Variants in ADGRG5 observed in about 807,000 individuals in gnomAD.
ADGRG5 encodes adhesion G protein-coupled receptor G5.
Under a neutral mutation model 53.2 loss-of-function variants are expected in ADGRG5, and 37 were observed. The ratio of observed to expected loss-of-function variants is 0.70; its 90% CI spans 0.53 to 0.91. ADGRG5 has a LOEUF of 0.91. ADGRG5 is among the 40% of genes least tolerant of loss of function. ADGRG5 has a pLI of 0.00. For synonymous variants in ADGRG5, 277 were observed against 290.4 expected (o/e 0.95, Z 0.47); for missense variants, 614 against 675.8 (o/e 0.91, Z 1.01).
chr16:57,557,418 A>C (rs1483012077), intron 1 of ADGRG5, among the ~76,000 whole-genome samples: 1 of 152,152 alleles, frequency 6.6e-6, no homozygotes, highest in African/African-American at 2.4e-5. Context: ...CAGTTTGACT[A>C]GGATGTATCT....
the ADGRG5 span, chr16:57,529,191 G>A: frequency 1.8e-5 from 21 of 1,176,770 alleles, no homozygotes; most frequent in East Asian, 3.0e-4. This position sits in a 1 kb window ranked among gnomAD's most constrained non-coding sequence, Gnocchi z 4.1. Context: ...GCGGCCGGGC[G>A]GGCCCTGAGC....
intron 1 of ADGRG5, among the ~76,000 whole-genome samples, chr16:57,546,118 G>A (rs1216304324): frequency 1.3e-5 from 2 of 152,028 alleles, no homozygotes; most frequent in African/African-American, 4.8e-5. Flanking sequence ...GAGCCACCGT[G>A]TCTGGCTCTA....
In ADGRG5 at chr16:57,568,146, G is replaced by A. The variant is rs114267963; in HGVS notation, c.1090+22G>A. The A allele has an allele frequency of 3.2e-3, 5,178 of 1,610,812 alleles. 140 individuals carry two copies. In the African/African-American group the frequency reaches 0.06, roughly 19 times the overall value. On this transcript the variant is annotated intron_variant, in intron 9 of 11. Transcript: ENST00000349457. ...TGGGGTAAGCACATCATCTCTCCTC[G>A]CCTCCTCAGACTTCCAGGTGGGCAG...
the ADGRG5 span, among the ~76,000 whole-genome samples, chr16:57,531,165 C>A: frequency 6.6e-6 from 1 of 152,092 alleles, no homozygotes; most frequent in African/African-American, 2.4e-5. Context: ...TCCCATACCT[C>A]CAACCGGATG....
chr16:57,565,612 G>A (rs2033113383), intron 6 of ADGRG5: 1 of 196,344 alleles, frequency 5.1e-6, no homozygotes, highest in Non-Finnish European at 1.0e-5. Flanking sequence ...ACCTGCCCCA[G>A]TGCAGATCAG....
intron 10 of ADGRG5, among the ~76,000 whole-genome samples, chr16:57,571,044 C>T (rs753520651): frequency 1.2e-4 from 18 of 151,340 alleles, no homozygotes; most frequent in Admixed American, 2.6e-4. Flanking sequence ...CCGGGGGACA[C>T]GCTGCTGCTT....
At position 57,563,866 on chromosome 16, in the gene ADGRG5, C is replaced by G; in HGVS notation, c.316C>G (p.Arg106Gly). Residue 106 changes from arginine (R) to glycine (G), a missense_variant, in exon 5 of 12, where the codon CGG becomes GGG. Coordinates refer to ENST00000349457, the MANE Select transcript of ADGRG5 (RefSeq NM_001304376.3). ...TCTGCAGGCAGGAGGTCAGCATGCC[C>G]GGGGTCAGCACGCCATGCAGTTCCC... Reference protein sequence around the residue: ...RVPQAGGQHARGQHAMQFPAE... With the variant: ...RVPQAGGQHAGGQHAMQFPAE... 1 of 1,613,888 alleles carries G rather than the reference C, an allele frequency of 6.2e-7. No homozygotes were observed. The highest frequency in any genetic ancestry group is 8.5e-7 in the Non-Finnish European group (1 of 1,179,998).
intron 6 of ADGRG5, chr16:57,565,419 GA>G: frequency 8.8e-6 from 4 of 454,150 alleles, no homozygotes; most frequent in South Asian, 5.6e-5. Flanking sequence ...GTCTAGAGGT[GA>G]TCCACCAGCT....
rs1406846422 is a variant in ADGRG5 at position 57,574,417 on chromosome 16, T to A, written c.1209-398T>A. Among the ~76,000 whole-genome samples, 2 of 151,622 alleles carry A rather than the reference T, an allele frequency of 1.3e-5. No individual in the cohort carries two copies. Among genetic ancestry groups the A allele is most frequent in the Non-Finnish European group, 2.9e-5 (2 of 67,886 alleles). On this transcript the variant is annotated intron_variant, in intron 10 of 11. Coordinates refer to ENST00000349457, the MANE Select transcript of ADGRG5 (RefSeq NM_001304376.3). The surrounding 1 kb of genome is among the most constrained non-coding windows in gnomAD (Gnocchi z 4.4). ...AGGTGGTGACAACCATGTAGTGGGG[T>A]GGAAGGGGAAGTTTCCAGGAAAGAG...
At chr16:57,531,798 T>C in the ADGRG5 span, among the ~76,000 whole-genome samples, 1 of 152,180 alleles carries the variant, frequency 6.6e-6, no homozygotes, top group Admixed American at 6.5e-5. Context: ...CCTAGGCCCC[T>C]CCTGTTCTGG....
At chr16:57,564,912 G>A in intron 5 of ADGRG5, 122 bp from the exon 6 acceptor site, 1 of 663,254 alleles carries the variant, frequency 1.5e-6, no homozygotes, top group Non-Finnish European at 2.7e-6. Context: ...GGCTGAGAAA[G>A]CTTTCACGCT....
At chr16:57,532,505 C>A in the ADGRG5 span, among the ~76,000 whole-genome samples, 7 of 152,310 alleles carry the variant, frequency 4.6e-5, no homozygotes, top group South Asian at 1.4e-3. Flanking sequence ...GACATGCAAT[C>A]CCATGCACAG....
At chr16:57,545,424 C>T (rs1161913200) in intron 1 of ADGRG5, among the ~76,000 whole-genome samples, 2 of 152,166 alleles carry the variant, frequency 1.3e-5, no homozygotes, top group African/African-American at 2.4e-5. Context: ...TGGTGGCTTC[C>T]TCCTATGATC....
chr16:57,564,340 C>T (rs1228673767), intron 5 of ADGRG5, among the ~76,000 whole-genome samples: 5 of 147,028 alleles, frequency 3.4e-5, no homozygotes, highest in Non-Finnish European at 5.9e-5. Context: ...GGCAGAGTCT[C>T]GCTCTGTTGC....
chr16:57,563,289 C>T, intron 4 of ADGRG5, 42 bp downstream of exon 4: 1 of 1,573,654 alleles, frequency 6.4e-7, no homozygotes, highest in Non-Finnish European at 8.7e-7. Context: ...GCTGCCCCGC[C>T]CTAGAAGTCC....
At chr16:57,529,978 C>T in the ADGRG5 span, among the ~76,000 whole-genome samples, 1 of 152,204 alleles carries the variant, frequency 6.6e-6, no homozygotes, top group African/African-American at 2.4e-5. This position sits in a 1 kb window ranked among gnomAD's most constrained non-coding sequence, Gnocchi z 4.1. Flanking sequence ...GGTGAACGAT[C>T]TCATTTATTC....
rs2033191955 is a variant in ADGRG5, at chr16:57,568,010, C to T, written c.976C>T (p.Leu326Phe). Reference sequence around the variant, plus strand: ...GGCCGCTGCCCTGCACTACGCGCTGCTCAGCTGCCTCACCTGGATGGCCAT... The same window carrying T: ...GGCCGCTGCCCTGCACTACGCGCTGTTCAGCTGCCTCACCTGGATGGCCAT... ...ALAAALHYAL[L>F]SCLTWMAIEG... The change falls in exon 9 of 12, where the codon CTC becomes TTC. Residue 326 changes from leucine to phenylalanine, a missense_variant. Leu to Phe is a conservative substitution (Grantham distance 22). Coordinates refer to ENST00000349457, the MANE Select transcript of ADGRG5 (RefSeq NM_001304376.3). 1.2e-6 allele frequency: 2 copies of T among 1,613,958 alleles called. No individual in the cohort carries two copies. Among genetic ancestry groups the T allele is most frequent in the East Asian group, 4.5e-5 (2 of 44,894 alleles).
intron 10 of ADGRG5, among the ~76,000 whole-genome samples, chr16:57,570,954 GTCC>G (rs762865784): frequency 3.1e-4 from 47 of 152,138 alleles, no homozygotes; most frequent in Non-Finnish European, 5.7e-4. Flanking sequence ...GGCCTCTCAA[GTCC>G]TCCTAGTCGG....
chr16:57,552,124 C>A (rs1244133943), intron 1 of ADGRG5, among the ~76,000 whole-genome samples: 2 of 151,262 alleles, frequency 1.3e-5, no homozygotes, highest in Non-Finnish European at 2.9e-5. Flanking sequence ...CTTTGTTATT[C>A]CATTTGTAGA....
Sources: allele counts gnomAD v4.1 joint callset (sites outside exome capture counted in the v4.1 genomes callset), GRCh38; gene constraint gnomAD v4.1.1; non-coding constraint Gnocchi (gnomAD v3.1); transcripts MANE v1.5; gene names NCBI Gene and HGNC (gene_info 2026-07-23, HGNC 2026-07-21).